FBN3: variants seen among roughly 807,000 people sequenced by gnomAD.
The protein encoded by FBN3 is fibrillin-3.
Under a neutral mutation model 330.1 loss-of-function variants are expected in FBN3, and 234 were observed. The ratio of observed to expected loss-of-function variants is 0.71; its 90% CI spans 0.64 to 0.79. The LOEUF (loss-of-function observed/expected upper bound fraction) is 0.79, where lower values mean the gene tolerates loss of function less well. FBN3 is among the 30% of genes least tolerant of loss of function. The pLI is 0.00. For synonymous variants in FBN3, 1,458 were observed against 1,517.3 expected (o/e 0.96, Z 0.91); for missense variants, 3,606 against 3,886.9 (o/e 0.93, Z 1.92).
chr19:8,130,621 A>AAAGT (rs2083111847), intron 16 of FBN3, among the ~76,000 whole-genome samples: 1 of 12,808 alleles, frequency 7.8e-5, no homozygotes, highest in South Asian at 2.2e-3. Flanking sequence ...AGAAAGAAAG[A>AAAGT]AAGAAAGAAA....
Position 8,097,368 on chromosome 19 carries a change from G to T in FBN3, c.5208C>A (p.Ile1736=). The change falls in exon 42 of 64, where the codon ATC becomes ATA. Residue 1736 remains isoleucine, a synonymous_variant. Coordinates refer to ENST00000600128, the MANE Select transcript of FBN3 (RefSeq NM_032447.5). ...GEIPAICANG[I]CINQIGSFRC... is the part of the protein sequence containing the mutation. ...GGAAACTCCCGATCTGGTTTATGCA[G>T]ATGCCATTGGCACAGATGGCGGGGA... The T allele has an allele frequency of 6.2e-7, 1 of 1,607,744 alleles. No homozygotes were observed.
intron 1 of FBN3, among the ~76,000 whole-genome samples, chr19:8,148,262 C>A (rs75145101): frequency 6.6e-6 from 1 of 152,160 alleles, no homozygotes; most frequent in Non-Finnish European, 1.5e-5. Flanking sequence ...CATCACACCT[C>A]CTCCAGGAAG....
chr19:8,141,964 T>C lies in FBN3; in HGVS notation c.715A>G (p.Asn239Asp). 1 of 1,613,950 alleles carries C rather than the reference T, an allele frequency of 6.2e-7. No homozygotes were observed. The highest frequency in any genetic ancestry group is 1.1e-5 in the South Asian group (1 of 91,072). The change falls in exon 7 of 64, where the codon AAT becomes GAT. Residue 239 changes from asparagine to aspartate, a missense_variant. Coordinates refer to ENST00000600128, the MANE Select transcript of FBN3 (RefSeq NM_032447.5). ...CCTTGGCAGGCCCCCGTGTGGATATTGGGGATGAAGCCGCGGCGGCAGGGG... is the reference window on the plus strand; with the variant it reads ...CCTTGGCAGGCCCCCGTGTGGATATCGGGGATGAAGCCGCGGCGGCAGGGG... ...PHPCRRGFIP[N>D]IHTGACQDVD...
At chr19:8,082,268 GCCTTCCTTC>G (rs1249518413) in intron 57 of FBN3, among the ~76,000 whole-genome samples, 2 of 151,398 alleles carry the variant, frequency 1.3e-5, no homozygotes, top group Non-Finnish European at 2.9e-5. Context: ...ACCTCACTTG[GCCTTCCTTC>G]CCTTCCTTCC....
rs115425384 is a variant in FBN3, at chr19:8,135,012, T to C, written c.1591+949A>G. Among the ~76,000 whole-genome samples, 1,086 of 151,034 alleles carry C rather than the reference T, an allele frequency of 7.2e-3. 12 individuals carry two copies. Among genetic ancestry groups the C allele is most frequent in the African/African-American group, 0.025 (1,031 of 41,250 alleles). ...TATATTTTTTGAAACAAGGTCTAGG[T>C]CTGTCACCTAGGCTAGAGTGCAGTG... On this transcript the variant is annotated intron_variant, in intron 13 of 63. Transcript: ENST00000600128.
intron 41 of FBN3, among the ~76,000 whole-genome samples, chr19:8,098,278 AGT>A (rs1318209587): frequency 6.6e-6 from 1 of 152,064 alleles, no homozygotes; most frequent in Non-Finnish European, 1.5e-5. Context: ...AAACAATATA[AGT>A]GTCCATCAGT....
intron 5 of FBN3, 60 bp from the exon 6 acceptor site, chr19:8,145,032 A>G: frequency 7.0e-7 from 1 of 1,437,114 alleles, no homozygotes. Context: ...GCTGGGGTTC[A>G]CAGCAAGCCT....
chr19:8,122,671 G>T (rs6603146), intron 24 of FBN3, among the ~76,000 whole-genome samples: 1 of 145,242 alleles, frequency 6.9e-6, no homozygotes, highest in East Asian at 2.1e-4. Context: ...CTGGCCCAGC[G>T]CCCCCTTTTT....
intron 37 of FBN3, among the ~76,000 whole-genome samples, chr19:8,106,979 G>A (rs2082452990): frequency 6.6e-6 from 1 of 151,430 alleles, no homozygotes; most frequent in African/African-American, 2.4e-5. Flanking sequence ...TGGGAAATAG[G>A]TTAATGGATG....
At chr19:8,102,185 C>T (rs902466723) in intron 40 of FBN3, among the ~76,000 whole-genome samples, 6 of 151,974 alleles carry the variant, frequency 3.9e-5, no homozygotes, top group African/African-American at 1.4e-4. Flanking sequence ...TGTGGAACTG[C>T]GAGTCCATTA....
chr19:8,090,510 G>A (rs1474914986), intron 48 of FBN3, among the ~76,000 whole-genome samples: 1 of 146,562 alleles, frequency 6.8e-6, no homozygotes, highest in Non-Finnish European at 1.5e-5. Context: ...TTCAGATGGA[G>A]TCTTCCTCTG....
chr19:8,147,082 T>A (rs765204539), intron 3 of FBN3, 22 bp downstream of exon 3: 6 of 1,542,754 alleles, frequency 3.9e-6, no homozygotes, highest in Non-Finnish European at 5.2e-6. Context: ...CCCCCCCACC[T>A]CCAGACGGCG....
intron 54 of FBN3, 21 bp downstream of exon 54, chr19:8,087,056 T>C (rs903044412): frequency 6.2e-7 from 1 of 1,600,080 alleles, no homozygotes; most frequent in African/African-American, 1.3e-5. Flanking sequence ...CCTGCACCCA[T>C]GAAGCTCCAG....
Position 8,086,953 on chromosome 19 carries a change from G to A in FBN3, c.6754+124C>T, listed in dbSNP as rs898960090. 47 of 1,216,602 alleles carry A rather than the reference G, an allele frequency of 3.9e-5. No homozygotes were observed. The East Asian group carries it at 5.0e-4, about 13-fold the overall frequency. 75.4% of individuals were successfully genotyped at this position (1,216,602 alleles called of 1,614,324 possible). The stretch of plus-strand genomic sequence containing the variant: ...ATTCCTGGGCTCAAGCGATCCTCTC[G>A]CCTCAGCCTCCCAAAGTGCTGGGAT... On this transcript the variant is annotated intron_variant, in intron 54 of 63. Coordinates refer to ENST00000600128, the MANE Select transcript of FBN3 (RefSeq NM_032447.5).
chr19:8,105,973 T>C (rs2082428478), intron 38 of FBN3, 135 bp downstream of exon 38: 1 of 1,005,938 alleles, frequency 9.9e-7, no homozygotes, highest in Non-Finnish European at 1.4e-6. Context: ...TGACAGATCA[T>C]GACAAAAGAG....
chr19:8,097,234 T>C, intron 42 of FBN3, 55 bp downstream of exon 42: 2 of 1,573,692 alleles, frequency 1.3e-6, no homozygotes, highest in Non-Finnish European at 8.7e-7. Context: ...GATTGCACAG[T>C]GGCGGACATG....
chr19:8,134,379 T>C lies in FBN3; in HGVS notation c.1592-1273A>G, dbSNP rs138603313. Among the ~76,000 whole-genome samples, 1,476 of 152,226 alleles carry C rather than the reference T, an allele frequency of 9.7e-3. 23 individuals are homozygous for C. The highest frequency in any genetic ancestry group is 0.034 in the African/African-American group (1,395 of 41,518). ...TGTCCTACTGAATGGATCGACACAC[T>C]GTGGTCTATTCATGTAATGGAACAT... is the stretch of plus-strand genomic sequence containing the variant. On this transcript the variant is annotated intron_variant, in intron 13 of 63. Transcript: ENST00000600128.
rs780164777 is a variant in FBN3, at chr19:8,072,093, G to C, written c.8043C>G (p.Leu2681=). The C allele has an allele frequency of 3.1e-6, 5 of 1,612,758 alleles. No homozygotes were observed. The East Asian group carries it at 1.1e-4, about 36-fold the overall frequency. ...TGCGTCGTGGCCGGTCCCGAGGGGAGAGGCCATTGATCTTGCATTCGTAGC... is the reference window on the plus strand; with the variant it reads ...TGCGTCGTGGCCGGTCCCGAGGGGACAGGCCATTGATCTTGCATTCGTAGC... ...EACYECKING[L]SPRDRPRRSA... The change falls in exon 63 of 64, where the codon CTC becomes CTG. Residue 2681 remains leucine, a synonymous_variant. Transcript: ENST00000600128.
chr19:8,094,386 T>C (rs2144718399), intron 47 of FBN3, 60 bp downstream of exon 47: 1 of 1,553,504 alleles, frequency 6.4e-7, no homozygotes, highest in Admixed American at 1.9e-5. Flanking sequence ...TCCCATTTTA[T>C]GGATGGAGAA....
Sources: allele counts gnomAD v4.1 joint callset (sites outside exome capture counted in the v4.1 genomes callset), GRCh38; gene constraint gnomAD v4.1.1; transcripts MANE v1.5; gene names NCBI Gene and HGNC (gene_info 2026-07-23, HGNC 2026-07-21).